Variants in DDHD1 observed in about 807,000 individuals in gnomAD.
The protein encoded by DDHD1 is DDHD domain containing 1, also known as phospholipase DDHD1.
Under a neutral mutation model 96.4 loss-of-function variants are expected in DDHD1, and 49 were observed. The observed-to-expected ratio is 0.51, with a 90% confidence interval of 0.40 to 0.64. The LOEUF (loss-of-function observed/expected upper bound fraction) is 0.64, where lower values mean the gene tolerates loss of function less well. DDHD1 is among the 30% of genes least tolerant of loss of function. DDHD1 has a pLI of 0.00. For missense variants in DDHD1, 1,106 were observed against 1,161.2 expected (o/e 0.95, Z 0.69); for synonymous variants, 442 against 446.5 (o/e 0.99, Z 0.13).
intron 2 of DDHD1, chr14:53,103,398 T>C (rs1201615168): frequency 8.3e-6 from 3 of 359,390 alleles, no homozygotes; most frequent in Non-Finnish European, 1.5e-5. Flanking sequence ...AACTAAAAAA[T>C]TACTAAAAAA....
At chr14:53,107,094 A>G (rs1435525131) in intron 1 of DDHD1, among the ~76,000 whole-genome samples, 3 of 152,088 alleles carry the variant, frequency 2.0e-5, no homozygotes, top group African/African-American at 4.8e-5. Flanking sequence ...TCTGTGGGGG[A>G]TACATTCCAA....
At chr14:53,093,052 T>A (rs1161478593) in intron 3 of DDHD1, 1 of 210,624 alleles carries the variant, frequency 4.7e-6, no homozygotes, top group African/African-American at 2.3e-5. Flanking sequence ...TGCCACATTT[T>A]AGGTTTAACA....
At chr14:53,137,920 A>G (rs144280055) in intron 1 of DDHD1, among the ~76,000 whole-genome samples, 2 of 152,188 alleles carry the variant, frequency 1.3e-5, no homozygotes, top group African/African-American at 4.8e-5. Flanking sequence ...GGGAAAAAAA[A>G]GCTGAAAGTT....
intron 2 of DDHD1, among the ~76,000 whole-genome samples, chr14:53,102,095 G>A (rs1304231203): frequency 6.6e-6 from 1 of 151,828 alleles, no homozygotes; most frequent in Non-Finnish European, 1.5e-5. Context: ...GAATACTTAG[G>A]GGAATTAACA....
intron 4 of DDHD1, among the ~76,000 whole-genome samples, chr14:53,077,667 T>G (rs1468323085): frequency 7.6e-5 from 7 of 92,706 alleles, no homozygotes; most frequent in Non-Finnish European, 1.3e-4. Flanking sequence ...GTTTTTGTTT[T>G]TGTTTTTTTT....
At chr14:53,106,761 G>A (rs1887716237) in intron 1 of DDHD1, among the ~76,000 whole-genome samples, 1 of 152,052 alleles carries the variant, frequency 6.6e-6, no homozygotes, top group South Asian at 2.1e-4. Flanking sequence ...AAATCTAATA[G>A]TTTTACTAGG....
rs540056960 is a variant in DDHD1, at chr14:53,067,519, G to A, written c.1504-4314C>T. Among the ~76,000 whole-genome samples the A allele has an allele frequency of 6.0e-5, 9 of 150,940 alleles. No individual in the cohort carries two copies. In the East Asian group the frequency reaches 1.4e-3, roughly 23 times the overall value. On this transcript the variant is annotated intron_variant, in intron 6 of 12. Transcript: ENST00000673822. ...GTCACCCAGGCTGCAGTGCAGTGGC[G>A]TGATCTCAACTCACTGCAAGCTCTG...
rs144467779 is a variant in DDHD1 at position 53,107,992 on chromosome 14, T to G, written c.839-4136A>C. 2.5e-3 allele frequency among the ~76,000 whole-genome samples: 388 copies of G among 152,312 alleles called. 2 individuals are homozygous for G. The highest frequency in any genetic ancestry group is 9.0e-3 in the African/African-American group (376 of 41,574). On this transcript the variant is annotated intron_variant, in intron 1 of 12. Coordinates refer to ENST00000673822, the MANE Select transcript of DDHD1 (RefSeq NM_001160148.2). ...ATGATCAGGATATAAACTCAGGCAT[T>G]CAAGCCAGCAACAGCTACCCTCTTT...
In DDHD1 at chr14:53,112,500, A is replaced by G. The variant is rs2139760662; in HGVS notation, c.839-8644T>C. ...TTGCTATATCAAAGCCTTTTCAAAC[A>G]GGTCTTTTCTCAAATTACCATAAAT... On this transcript the variant is annotated intron_variant, in intron 1 of 12. Coordinates refer to ENST00000673822, the MANE Select transcript of DDHD1 (RefSeq NM_001160148.2). 4.6e-5 allele frequency among the ~76,000 whole-genome samples: 7 copies of G among 152,282 alleles called. 1 individual carries two copies. In the Middle Eastern group the frequency reaches 0.02, roughly 444 times the overall value.
At chr14:53,050,594 T>TTATG (rs746785779) in intron 12 of DDHD1, among the ~76,000 whole-genome samples, 22 of 152,080 alleles carry the variant, frequency 1.4e-4, no homozygotes, top group Non-Finnish European at 2.6e-4. Flanking sequence ...CTACTAGAGT[T>TTATG]TATGCTCTTT....
In DDHD1 at chr14:53,037,165, C is replaced by T. The variant is rs1881323059; in HGVS notation, c.*9603G>A. 1 of 152,132 alleles carries T rather than the reference C, an allele frequency of 6.6e-6. No individual in the cohort carries two copies. The highest frequency in any genetic ancestry group is 2.1e-4 in the South Asian group (1 of 4,830). The allele number at this position is 152,132 out of a possible 1,614,324, so 9.4% of individuals were successfully genotyped here. ...TTTATATGTACCACATTTTCTTTAT[C>T]CAGTCCACTGTTGATGGGCAGCCAC... On this transcript the variant is annotated 3_prime_UTR_variant, in exon 13 of 13. Transcript: ENST00000673822.
At chr14:53,073,963 G>T in intron 4 of DDHD1, 116 bp from the exon 5 acceptor site, 1 of 869,228 alleles carries the variant, frequency 1.2e-6, no homozygotes, top group Non-Finnish European at 1.7e-6. Flanking sequence ...TTATAGCTTT[G>T]TCCAGTTACA....
chr14:53,111,438 C>A (rs1888098567), intron 1 of DDHD1, among the ~76,000 whole-genome samples: 1 of 151,912 alleles, frequency 6.6e-6, no homozygotes, highest in Non-Finnish European at 1.5e-5. Context: ...GATAATGACT[C>A]TTCCTTCTTC....
chr14:53,077,938 A>C (rs1885116739), intron 4 of DDHD1, among the ~76,000 whole-genome samples: 1 of 152,050 alleles, frequency 6.6e-6, no homozygotes, highest in Non-Finnish European at 1.5e-5. Context: ...AGTCTCATCC[A>C]TGTTGCATCA....
chr14:53,122,859 G>A (rs1889107947), intron 1 of DDHD1, among the ~76,000 whole-genome samples: 1 of 151,536 alleles, frequency 6.6e-6, no homozygotes, highest in African/African-American at 2.4e-5. Flanking sequence ...GAGCCACCGT[G>A]CCTGGCCAGT....
At chr14:53,071,723 T>TA (rs1884523320) in intron 6 of DDHD1, among the ~76,000 whole-genome samples, 1 of 152,128 alleles carries the variant, frequency 6.6e-6, no homozygotes, top group East Asian at 1.9e-4. Flanking sequence ...CAGTCTGCAG[T>TA]AAAGTGGCCC....
At chr14:53,128,963 A>C (rs1889664329) in intron 1 of DDHD1, among the ~76,000 whole-genome samples, 1 of 152,208 alleles carries the variant, frequency 6.6e-6, no homozygotes, top group Non-Finnish European at 1.5e-5. Context: ...TTAACAAGGT[A>C]CTTTATAATA....
At chr14:53,067,086 C>A (rs898075616) in intron 6 of DDHD1, among the ~76,000 whole-genome samples, 6 of 151,300 alleles carry the variant, frequency 4.0e-5, no homozygotes, top group Non-Finnish European at 7.4e-5. Flanking sequence ...GTTAAAAATA[C>A]AAAATCACAG....
rs1161378393 is a variant in DDHD1, at chr14:53,040,511, T to G, written c.*6257A>C. The G allele has an allele frequency of 6.6e-6, 1 of 152,214 alleles. No homozygotes were observed. Among genetic ancestry groups the G allele is most frequent in the African/African-American group, 2.4e-5 (1 of 41,464 alleles). The allele number at this position is 152,214 out of a possible 1,614,324, so 9.4% of individuals were successfully genotyped here. A position where few individuals can be genotyped will look rare whatever the true frequency, so the allele number is the denominator to read the frequency against. On this transcript the variant is annotated 3_prime_UTR_variant, in exon 13 of 13. Coordinates refer to ENST00000673822, the MANE Select transcript of DDHD1 (RefSeq NM_001160148.2). ...GTGAGCAAGATAACAAACGGATCAA[T>G]TCAGCTAGAGAAACACAGTATAATG... is the stretch of plus-strand genomic sequence containing the variant.
Sources: gnomAD v4.1 joint callset for allele counts (sites outside exome capture counted in the v4.1 genomes callset) on GRCh38, gnomAD v4.1.1 for gene constraint, MANE v1.5 for transcripts, NCBI Gene and HGNC (gene_info 2026-07-23, HGNC 2026-07-21) for gene names.